Variants in FBXO9 observed in about 807,000 individuals in gnomAD.
FBXO9 encodes F-box only protein 9.
In FBXO9, 43 loss-of-function variants were observed where a neutral mutation model predicts 63.7. The observed-to-expected ratio is 0.67, with a 90% CI of 0.53 to 0.87. FBXO9 has a LOEUF of 0.87. Among genes scored for constraint, FBXO9 ranks in the 40% least tolerant of loss-of-function variants. The probability of loss-of-function intolerance (pLI) is 0.00; values close to 1 mark genes in which losing one functional copy is unlikely to be tolerated. For missense variants in FBXO9, 442 were observed against 533.2 expected (o/e 0.83, Z 1.68); for synonymous variants, 156 against 171.7 (o/e 0.91, Z 0.72).
Position 53,097,904 on chromosome 6 carries a change from A to ATG in FBXO9, c.*85_*86dup, listed in dbSNP as rs755980710. 2.4e-3 allele frequency: 534 copies of ATG among 219,780 alleles called. 43 individuals are homozygous for ATG. The highest frequency in any genetic ancestry group is 8.8e-3 in the African/African-American group (186 of 21,086). 13.6% of individuals were successfully genotyped at this position (219,780 alleles called of 1,614,324 possible). On this transcript the variant is annotated 3_prime_UTR_variant, in exon 13 of 13. Transcript: ENST00000323557. ...GCGCAAAAGAGCACCTAAGTTATAA[A>ATG]TGTGTGTGTGTGCGTGTGTGTGTAT...
chr6:53,076,496 T>G lies in FBXO9; in HGVS notation c.260T>G (p.Leu87Arg). 4.5e-6 allele frequency: 7 copies of G among 1,546,392 alleles called. No homozygotes were observed. The highest frequency in any genetic ancestry group is 6.1e-6 in the Non-Finnish European group (7 of 1,156,286). Reference sequence around the variant, plus strand: ...TTTATATTTTTATAGGCTCGAGAACTCTTCCTAAAAGCAGTAGAAGAAGAA... The same window carrying G: ...TTTATATTTTTATAGGCTCGAGAACGCTTCCTAAAAGCAGTAGAAGAAGAA... ...EQAKEEKARE[L>R]FLKAVEEEQN... is the part of the protein sequence containing the mutation. Residue 87 changes from leucine (L) to arginine (R), a missense_variant, in exon 4 of 13, where the codon CTC (leucine) becomes CGC (arginine). Coordinates refer to ENST00000323557, the MANE Select transcript of FBXO9 (RefSeq NM_033480.3).
chr6:53,073,934 G>A (rs1173542276), intron 3 of FBXO9, among the ~76,000 whole-genome samples: 1 of 151,388 alleles, frequency 6.6e-6, no homozygotes. Context: ...CTAAAAGATT[G>A]GTGTCTCTGA....
intron 4 of FBXO9, 97 bp downstream of exon 4, chr6:53,076,640 C>T (rs1769121598): frequency 3.4e-6 from 3 of 877,782 alleles, no homozygotes; most frequent in Admixed American, 3.9e-5. Context: ...TGGTATAGAA[C>T]ATCACTTTTC....
chr6:53,093,293 C>A, intron 9 of FBXO9, 173 bp from the exon 10 acceptor site: 1 of 473,298 alleles, frequency 2.1e-6, no homozygotes, highest in East Asian at 3.2e-5. Flanking sequence ...TTCTTTGTTG[C>A]TGGACTAACA....
At position 53,065,714 on chromosome 6, in the gene FBXO9, C is replaced by G; in HGVS notation, c.-76C>G. 7.0e-7 allele frequency: 1 copy of G among 1,424,162 alleles called. No homozygotes were observed. Among genetic ancestry groups the G allele is most frequent in the Non-Finnish European group, 9.2e-7 (1 of 1,086,906 alleles). The allele number at this position is 1,424,162 out of a possible 1,614,324, so 88.2% of individuals were successfully genotyped here. A position where few individuals can be genotyped will look rare whatever the true frequency, so the allele number is the denominator to read the frequency against. ...CAGGCAGGAGTAGACACCCGGACAC[C>G]CAGCACCCCTCCTCCGGGGGGCGGT... On this transcript the variant is annotated 5_prime_UTR_variant, in exon 1 of 13. Coordinates refer to ENST00000323557, the MANE Select transcript of FBXO9 (RefSeq NM_033480.3).
At chr6:53,076,581 C>A (rs1769118948) in intron 4 of FBXO9, 38 bp downstream of exon 4, 2 of 1,392,514 alleles carry the variant, frequency 1.4e-6, no homozygotes, top group South Asian at 1.5e-5. Flanking sequence ...CATAACATTT[C>A]TGAATAATGA....
rs1321090819 is a variant in FBXO9, at chr6:53,066,703, G to A, written c.3+911G>A. The stretch of plus-strand genomic sequence containing the variant: ...TTCTCTGACCGGGATTAAGTACTTA[G>A]CCTTTATAATTTATTAATCGCACCT... On this transcript the variant is annotated intron_variant, in intron 1 of 12. Transcript: ENST00000323557. 2.0e-5 allele frequency among the ~76,000 whole-genome samples: 3 copies of A among 152,192 alleles called. 1 individual carries two copies. The highest frequency in any genetic ancestry group is 1.5e-5 in the Non-Finnish European group (1 of 68,038).
chr6:53,099,612 T>A lies in FBXO9; in HGVS notation c.*1782T>A, dbSNP rs1486760428. 6.7e-6 allele frequency: 1 copy of A among 149,490 alleles called. No individual in the cohort carries two copies. The highest frequency in any genetic ancestry group is 1.5e-5 in the Non-Finnish European group (1 of 67,668). The allele number at this position is 149,490 out of a possible 1,614,324, so 9.3% of individuals were successfully genotyped here. ...AAAAAAAAAAAAATAGGCATGGTGG[T>A]ACACACCTGTGGTCCCAGCTAGTTG... On this transcript the variant is annotated 3_prime_UTR_variant, in exon 13 of 13. Coordinates refer to ENST00000323557, the MANE Select transcript of FBXO9 (RefSeq NM_033480.3).
intron 7 of FBXO9, among the ~76,000 whole-genome samples, chr6:53,088,893 C>T (rs1762965590): frequency 6.6e-6 from 1 of 151,468 alleles, no homozygotes; most frequent in Non-Finnish European, 1.5e-5. Flanking sequence ...AGCCACCGCA[C>T]CTGGCCCTAG....
rs1768669715 is a variant in FBXO9, at chr6:53,065,744, A to T, written c.-46A>T. 7.0e-6 allele frequency: 10 copies of T among 1,422,224 alleles called. No homozygotes were observed. The East Asian group carries it at 3.0e-4, about 43-fold the overall frequency. The allele number at this position is 1,422,224 out of a possible 1,614,324, so 88.1% of individuals were successfully genotyped here. ...ACCCCTCCTCCGGGGGGCGGTGCAGAGGGGGCACGGAGAGCCCCTCGAGCG... is the reference window on the plus strand; with the variant it reads ...ACCCCTCCTCCGGGGGGCGGTGCAGTGGGGGCACGGAGAGCCCCTCGAGCG... On this transcript the variant is annotated 5_prime_UTR_variant, in exon 1 of 13. Coordinates refer to ENST00000323557, the MANE Select transcript of FBXO9 (RefSeq NM_033480.3).
Position 53,071,094 on chromosome 6 carries a change from G to T in FBXO9, c.41G>T (p.Arg14Ile). The T allele has an allele frequency of 6.4e-7, 1 of 1,574,704 alleles. No homozygotes were observed. The change falls in exon 2 of 13, where the codon AGA (arginine) becomes ATA (isoleucine). Residue 14 changes from arginine to isoleucine, a missense_variant. Transcript: ENST00000323557. ...AEEDCHSDTV[R>I]ADDDEENESP... ...GAAGATTGTCATTCTGATACTGTCAGAGCAGATGATGATGAAGAAAATGAA... is the reference window on the plus strand; with the variant it reads ...GAAGATTGTCATTCTGATACTGTCATAGCAGATGATGATGAAGAAAATGAA...
chr6:53,073,786 G>C (rs1252454479), intron 3 of FBXO9, 147 bp downstream of exon 3: 2 of 629,822 alleles, frequency 3.2e-6, no homozygotes, highest in Admixed American at 6.1e-5. Context: ...TAGTATACTA[G>C]TTTATATATT....
chr6:53,084,652 C>T (rs1295609043), intron 7 of FBXO9, among the ~76,000 whole-genome samples: 1 of 152,158 alleles, frequency 6.6e-6, no homozygotes. Flanking sequence ...ATAGTTTCAG[C>T]TTAAAGGGCT....
intron 3 of FBXO9, among the ~76,000 whole-genome samples, chr6:53,076,214 G>T (rs1378678169): frequency 1.3e-5 from 2 of 152,112 alleles, no homozygotes; most frequent in Non-Finnish European, 2.9e-5. Flanking sequence ...TTTGTGAATG[G>T]TGCTTTTGGT....
At chr6:53,078,225 G>A (rs1186570610) in intron 4 of FBXO9, among the ~76,000 whole-genome samples, 1 of 152,112 alleles carries the variant, frequency 6.6e-6, no homozygotes, top group Non-Finnish European at 1.5e-5. Flanking sequence ...AGGCTGAGGC[G>A]GGAGGATCGC....
intron 2 of FBXO9, 54 bp from the exon 3 acceptor site, chr6:53,073,427 C>T: frequency 6.6e-7 from 1 of 1,505,926 alleles, no homozygotes; most frequent in Non-Finnish European, 9.1e-7. Flanking sequence ...ATACATTGTT[C>T]CAGAGTTGAG....
chr6:53,068,637 A>AT (rs1562061634), intron 1 of FBXO9, among the ~76,000 whole-genome samples: 1 of 142,422 alleles, frequency 7.0e-6, no homozygotes, highest in Admixed American at 7.2e-5. Flanking sequence ...CATCTTACGG[A>AT]ATATATATAT....
intron 11 of FBXO9, among the ~76,000 whole-genome samples, chr6:53,095,246 A>C (rs1198893633): frequency 6.6e-6 from 1 of 152,224 alleles, no homozygotes; most frequent in Non-Finnish European, 1.5e-5. Context: ...TCATTTTTTA[A>C]GCTAGTAAAT....
At chr6:53,082,308 AAAAAC>A (rs1769341773) in intron 6 of FBXO9, among the ~76,000 whole-genome samples, 191 bp from the exon 7 acceptor site, 1 of 152,228 alleles carries the variant, frequency 6.6e-6, no homozygotes, top group Non-Finnish European at 1.5e-5. Flanking sequence ...TCTATACTGA[AAAAAC>A]AAAGATATTT....
Sources: allele counts gnomAD v4.1 joint callset (sites outside exome capture counted in the v4.1 genomes callset), GRCh38; gene constraint gnomAD v4.1.1; transcripts MANE v1.5; gene names NCBI Gene and HGNC (gene_info 2026-07-23, HGNC 2026-07-21).